RPS6KA2: variants seen among roughly 807,000 people sequenced by gnomAD.
RPS6KA2 encodes the protein ribosomal protein S6 kinase alpha-2.
In RPS6KA2, 42 loss-of-function variants were observed where a neutral mutation model predicts 91.8. The ratio of observed to expected loss-of-function variants is 0.46; its 90% CI spans 0.36 to 0.59. RPS6KA2 has a LOEUF of 0.59. Ranked by LOEUF, RPS6KA2 falls within the 20% of genes least tolerant of loss-of-function variation. The pLI, the probability that RPS6KA2 is intolerant of heterozygous loss-of-function variation, is 0.00. For missense variants in RPS6KA2, 798 were observed against 978.5 expected, an observed-to-expected ratio of 0.82 and a Z score of 2.46; for synonymous variants, 414 against 393.6, an observed-to-expected ratio of 1.05 and a Z score of -0.61.
At chr6:166,561,560 T>G (rs549031806) in intron 1 of RPS6KA2, among the ~76,000 whole-genome samples, 1 of 151,630 alleles carries the variant, frequency 6.6e-6, no homozygotes. Context: ...CTTGACTCTG[T>G]GGGGGGAGTC....
At chr6:166,426,007 CA>C in intron 16 of RPS6KA2, among the ~76,000 whole-genome samples, 1 of 151,678 alleles carries the variant, frequency 6.6e-6, no homozygotes, top group Admixed American at 6.6e-5. Flanking sequence ...ACATTTTTTT[CA>C]GCACCACACC....
At chr6:166,441,761 G>T (rs1301909921) in intron 14 of RPS6KA2, among the ~76,000 whole-genome samples, 1 of 152,240 alleles carries the variant, frequency 6.6e-6, no homozygotes, top group African/African-American at 2.4e-5. Flanking sequence ...TGATCCACAG[G>T]AGCCGGGGCT....
At chr6:166,711,336 C>T (rs1464700417) in intron 2 of RPS6KA2, among the ~76,000 whole-genome samples, 1 of 25,558 alleles carries the variant, frequency 3.9e-5, no homozygotes, top group African/African-American at 1.4e-4. Flanking sequence ...TAACATAGTG[C>T]CCCAAAAGTC....
At chr6:166,791,004 C>T (rs1779072443) in intron 2 of RPS6KA2, among the ~76,000 whole-genome samples, 1 of 152,164 alleles carries the variant, frequency 6.6e-6, no homozygotes, top group Non-Finnish European at 1.5e-5. Context: ...ACCAAATTCA[C>T]ACATAACAAT....
intron 1 of RPS6KA2, among the ~76,000 whole-genome samples, chr6:166,605,723 C>A (rs1176015361): frequency 6.6e-6 from 1 of 152,184 alleles, no homozygotes; most frequent in African/African-American, 2.4e-5. Context: ...ACACCTCCCT[C>A]CACACATTCA....
At chr6:166,550,870 G>T (rs574887326) in intron 1 of RPS6KA2, among the ~76,000 whole-genome samples, 3 of 151,574 alleles carry the variant, frequency 2.0e-5, no homozygotes, top group African/African-American at 4.8e-5. Flanking sequence ...GCGTGGTGGC[G>T]GGCGCCTGTA....
chr6:166,604,589 C>T (rs1265765386), intron 1 of RPS6KA2, among the ~76,000 whole-genome samples: 6 of 152,188 alleles, frequency 3.9e-5, no homozygotes, highest in East Asian at 1.9e-4. Context: ...GTGCCTCGGG[C>T]CTTACCTGAG....
At chr6:166,506,149 C>T (rs564375959) in intron 5 of RPS6KA2, among the ~76,000 whole-genome samples, 2 of 152,200 alleles carry the variant, frequency 1.3e-5, no homozygotes, top group African/African-American at 2.4e-5. Context: ...AGCGACGGTC[C>T]CCATAAGATG....
Position 166,493,298 on chromosome 6 carries a change from C to T in RPS6KA2, c.748-2557G>A, listed in dbSNP as rs1055368611. On this transcript the variant is annotated intron_variant, in intron 8 of 20. Transcript: ENST00000265678. The surrounding 1 kb of genome is among the most constrained non-coding windows in gnomAD (Gnocchi z 4.7). ...CCAGCCATGGGGTTCTGCTGCCTTTCCCATCCCCTTATCCACCCTTTTCTG... is the reference window on the plus strand; with the variant it reads ...CCAGCCATGGGGTTCTGCTGCCTTTTCCATCCCCTTATCCACCCTTTTCTG... 1.3e-5 allele frequency among the ~76,000 whole-genome samples: 2 copies of T among 152,104 alleles called. No individual in the cohort carries two copies. The highest frequency in any genetic ancestry group is 2.9e-5 in the Non-Finnish European group (2 of 68,030).
rs1305625670 is a variant in RPS6KA2 at position 166,627,025 on chromosome 6, C to A, written c.-6G>T. ...TTCTTCATGCTCAGGTCCATCGCCC[C>A]GCGCCCAGCCCGGAGCAGCCGCAGG... On this transcript the variant is annotated 5_prime_UTR_variant, in exon 1 of 21. Coordinates refer to ENST00000265678, the MANE Select transcript of RPS6KA2 (RefSeq NM_021135.6). The A allele has an allele frequency of 4.8e-6, 7 of 1,471,848 alleles. No homozygotes were observed. The highest frequency in any genetic ancestry group is 2.7e-5 in the South Asian group (2 of 74,434). The allele number at this position is 1,471,848 out of a possible 1,614,324, so 91.2% of individuals were successfully genotyped here.
At chr6:166,521,680 A>G (rs905284584) in intron 3 of RPS6KA2, among the ~76,000 whole-genome samples, 23 of 152,190 alleles carry the variant, frequency 1.5e-4, no homozygotes, top group African/African-American at 5.1e-4. Context: ...AGATACTGAC[A>G]TTGGGGATCA....
In RPS6KA2 at chr6:166,419,781, GCGCA is replaced by G. The variant is rs1293227281; in HGVS notation, c.1820+97_1820+100del. The G allele has an allele frequency of 1.4e-5, 15 of 1,057,122 alleles. No homozygotes were observed. In the East Asian group the frequency reaches 2.7e-4, roughly 19 times the overall value. 65.5% of individuals were successfully genotyped at this position (1,057,122 alleles called of 1,614,324 possible). A position where few individuals can be genotyped will look rare whatever the true frequency, so the allele number is the denominator to read the frequency against. On this transcript the variant is annotated intron_variant, in intron 18 of 20. Coordinates refer to ENST00000265678, the MANE Select transcript of RPS6KA2 (RefSeq NM_021135.6). The surrounding 1 kb of genome is among the most constrained non-coding windows in gnomAD (Gnocchi z 5.6). ...GCATACACGTTGGGTTTGCCCACAT[GCGCA>G]CACTAGGACAGGGCTGGCCCTGGTC...
rs1787731546 is a variant in RPS6KA2 at position 166,648,258 on chromosome 6, ACT to A, written c.124-109476_124-109475del. Among the ~76,000 whole-genome samples the A allele has an allele frequency of 1.3e-5, 2 of 149,932 alleles. No individual in the cohort carries two copies. The highest frequency in any genetic ancestry group is 3.0e-5 in the Non-Finnish European group (2 of 67,580). ...CACACACATTCACACAGGCACACAC[ACT>A]CATGTTCATACACACGCATGCACAC... On this transcript the variant is annotated intron_variant, in intron 2 of 21. Coordinates refer to the RPS6KA2 transcript ENST00000503859. This position sits in a 1 kb window ranked among gnomAD's most constrained non-coding sequence, Gnocchi z 4.8.
At chr6:166,513,202 C>T (rs144016416) in intron 3 of RPS6KA2, among the ~76,000 whole-genome samples, 1 of 152,182 alleles carries the variant, frequency 6.6e-6, no homozygotes, top group African/African-American at 2.4e-5. Flanking sequence ...ACAAGCTTGC[C>T]TTAGAGTCTA....
At chr6:166,716,678 T>C (rs1339381340) in intron 2 of RPS6KA2, among the ~76,000 whole-genome samples, 4 of 152,202 alleles carry the variant, frequency 2.6e-5, no homozygotes, top group South Asian at 2.1e-4. Context: ...TAACAAATTA[T>C]TCATTTGGAA....
intron 2 of RPS6KA2, among the ~76,000 whole-genome samples, chr6:166,751,101 G>A (rs1238361029): frequency 1.3e-5 from 2 of 152,198 alleles, no homozygotes; most frequent in African/African-American, 2.4e-5. Context: ...GCAGGTGACG[G>A]CAGGCCTCCA....
Position 166,627,199 on chromosome 6 carries a change from C to T in RPS6KA2, c.-180G>A, listed in dbSNP as rs1472365812. On this transcript the variant is annotated 5_prime_UTR_variant, in exon 1 of 21. Transcript: ENST00000265678. ...AAAGGGCAGGCCGCGCCGGCCACCG[C>T]GGCCGGGGCCACAATCGCTCCCTCC... 1.9e-6 allele frequency: 2 copies of T among 1,041,884 alleles called. No homozygotes were observed. Among genetic ancestry groups the T allele is most frequent in the South Asian group, 4.6e-5 (1 of 21,846 alleles). The allele number at this position is 1,041,884 out of a possible 1,614,324, so 64.5% of individuals were successfully genotyped here.
intron 14 of RPS6KA2, among the ~76,000 whole-genome samples, chr6:166,439,051 T>G (rs2128449549): frequency 6.6e-6 from 1 of 152,356 alleles, no homozygotes; most frequent in African/African-American, 2.4e-5. Context: ...ATTTTAAAAA[T>G]TTGAATTTGA....
At position 166,792,995 on chromosome 6, in the gene RPS6KA2, T is replaced by C. The variant is rs1206501878; in HGVS notation, c.123+65205A>G. ...CTCCTAGTCAACATAGTGTTGGAAG[T>C]TCTGGCCAGGGCAATTAGGCAGGAG... is the stretch of plus-strand genomic sequence containing the variant. On this transcript the variant is annotated intron_variant, in intron 2 of 21. Coordinates refer to the RPS6KA2 transcript ENST00000503859. Among the ~76,000 whole-genome samples, 3 of 152,108 alleles carry C rather than the reference T, an allele frequency of 2.0e-5. No individual in the cohort carries two copies. The East Asian group carries it at 5.8e-4, about 29-fold the overall frequency.
Sources: gnomAD v4.1 joint callset for allele counts (sites outside exome capture counted in the v4.1 genomes callset) on GRCh38, gnomAD v4.1.1 for gene constraint, Gnocchi (gnomAD v3.1) non-coding constraint, MANE v1.5 for transcripts, NCBI Gene and HGNC (gene_info 2026-07-23, HGNC 2026-07-21) for gene names.